The following PRKCZ variants were observed in gnomAD, a reference collection of about 807,000 sequenced individuals.
The protein encoded by PRKCZ is protein kinase C zeta.
A neutral mutation model predicts 79.5 loss-of-function variants in PRKCZ; 33 were observed. That is an observed-to-expected ratio of 0.41 (90% CI 0.31 to 0.55). The LOEUF is 0.55. PRKCZ is among the 20% of genes least tolerant of loss of function. PRKCZ has a pLI of 0.19. For missense variants in PRKCZ, 578 were observed against 813.5 expected (o/e 0.71, Z 3.52); for synonymous variants, 342 against 320.9 (o/e 1.07, Z -0.70).
rs906071552 is a variant in PRKCZ, at chr1:2,173,135, C to T, written c.1285+747C>T. On this transcript the variant is annotated intron_variant, in intron 13 of 17. Coordinates refer to ENST00000378567, the MANE Select transcript of PRKCZ (RefSeq NM_002744.6). This position sits in a 1 kb window ranked among gnomAD's most constrained non-coding sequence, Gnocchi z 5.7. The stretch of plus-strand genomic sequence containing the variant: ...ATCCTGGTGTTTTCAATGAGGCATG[C>T]ATGGTGTGCCTTCAGACATTTTTAC... Among the ~76,000 whole-genome samples the T allele has an allele frequency of 1.3e-5, 2 of 152,208 alleles. No individual in the cohort carries two copies. Among genetic ancestry groups the T allele is most frequent in the East Asian group, 3.9e-4 (2 of 5,190 alleles).
chr1:2,125,274 T>A lies in PRKCZ; in HGVS notation c.335-9988T>A, dbSNP rs1673649905. On this transcript the variant is annotated intron_variant, in intron 4 of 17. Transcript: ENST00000378567. The surrounding 1 kb of genome is among the most constrained non-coding windows in gnomAD (Gnocchi z 4.2). ...CTGCTTGGAAGTTGGCGTACATCTT[T>A]CCACGGAAACTATGAAAATACTGGT... Among the ~76,000 whole-genome samples the A allele has an allele frequency of 6.6e-6, 1 of 152,256 alleles. No individual in the cohort carries two copies. The highest frequency in any genetic ancestry group is 2.1e-4 in the South Asian group (1 of 4,836).
rs1486824400 is a variant in PRKCZ at position 2,135,285 on chromosome 1, A to G, written c.358A>G (p.Arg120Gly). 9 of 1,613,096 alleles carry G rather than the reference A, an allele frequency of 5.6e-6. No individual in the cohort carries two copies. The highest frequency in any genetic ancestry group is 7.6e-6 in the Non-Finnish European group (9 of 1,179,712). ...AGAATCTATCTACCGCCGGGGAGCC[A>G]GAAGATGGAGGAAGCTGTACCGTGC... Reference protein sequence around the residue: ...EDKSIYRRGARRWRKLYRANG... With the variant: ...EDKSIYRRGAGRWRKLYRANG... Residue 120 changes from arginine to glycine, a missense_variant, in exon 5 of 18, where the codon AGA (arginine) becomes GGA (glycine). Around this residue, in one of 4 missense-constraint regions of PRKCZ, gnomAD observed 228 missense variants for 211.6 expected, o/e 1.08. Transcript: ENST00000378567.
At chr1:2,126,494 G>T (rs971410299) in intron 4 of PRKCZ, among the ~76,000 whole-genome samples, 1 of 151,768 alleles carries the variant, frequency 6.6e-6, no homozygotes, top group Non-Finnish European at 1.5e-5. Context: ...CTGCCCCGCC[G>T]ACCCTGCCAT....
intron 3 of PRKCZ, among the ~76,000 whole-genome samples, chr1:2,058,132 G>T (rs1019776031): frequency 6.6e-6 from 1 of 152,216 alleles, no homozygotes; most frequent in Non-Finnish European, 1.5e-5. Flanking sequence ...CTCCCAAAGT[G>T]CTGGGATTAC....
chr1:2,140,587 C>G (rs535959934), intron 5 of PRKCZ, among the ~76,000 whole-genome samples: 102 of 151,758 alleles, frequency 6.7e-4, no homozygotes, highest in Non-Finnish European at 1.4e-3. Context: ...AACCAGGGAG[C>G]TGGAGGTTTC....
chr1:2,131,485 A>T (rs1674942811), intron 4 of PRKCZ, among the ~76,000 whole-genome samples: 1 of 152,200 alleles, frequency 6.6e-6, no homozygotes, highest in Admixed American at 6.5e-5. Flanking sequence ...TTAAAAAGTG[A>T]GATGGGATAT....
chr1:2,174,924 G>A lies in PRKCZ; in HGVS notation c.1485+91G>A. ...GCACGGCTGTTGGCCATTTTTTCAT[G>A]TCGGCTGCTGTGTATCGGGTGTGTG... On this transcript the variant is annotated intron_variant, in intron 15 of 17. Transcript: ENST00000378567. This position sits in a 1 kb window ranked among gnomAD's most constrained non-coding sequence, Gnocchi z 6.2. 2 of 1,321,878 alleles carry A rather than the reference G, an allele frequency of 1.5e-6. No individual in the cohort carries two copies. Among genetic ancestry groups the A allele is most frequent in the Admixed American group, 3.4e-5 (2 of 58,232 alleles). The allele number at this position is 1,321,878 out of a possible 1,614,324, so 81.9% of individuals were successfully genotyped here. A position where few individuals can be genotyped will look rare whatever the true frequency, so the allele number is the denominator to read the frequency against.
Position 2,178,293 on chromosome 1 carries a change from G to A in PRKCZ, c.1575+2980G>A, listed in dbSNP as rs371476197. ...TCATGGAAGTGGACCTGGGCACACC[G>A]CGGCCTTTCGTGCCTGCCCTCCCCT... is the stretch of plus-strand genomic sequence containing the variant. On this transcript the variant is annotated intron_variant, in intron 16 of 17. Transcript: ENST00000378567. The surrounding 1 kb of genome is among the most constrained non-coding windows in gnomAD (Gnocchi z 4.3). Among the ~76,000 whole-genome samples, 12 of 152,202 alleles carry A rather than the reference G, an allele frequency of 7.9e-5. No homozygotes were observed. The highest frequency in any genetic ancestry group is 1.2e-4 in the African/African-American group (5 of 41,452).
At chr1:2,136,183 C>T (rs1676162472) in intron 5 of PRKCZ, among the ~76,000 whole-genome samples, 1 of 152,192 alleles carries the variant, frequency 6.6e-6, no homozygotes, top group Admixed American at 6.5e-5. Flanking sequence ...AGTCACCTGC[C>T]CCTCCTTCTA....
rs925309069 is a variant in PRKCZ at position 2,149,054 on chromosome 1, C to T, written c.687+130C>T. On this transcript the variant is annotated intron_variant, in intron 8 of 17. Coordinates refer to ENST00000378567, the MANE Select transcript of PRKCZ (RefSeq NM_002744.6). The surrounding 1 kb of genome is among the most constrained non-coding windows in gnomAD (Gnocchi z 4.1). ...CCGGGGTGTTGCTAACTAATCTTCACGGGTGTGGATGTCTAGAAGGAAGTC... is the reference window on the plus strand; with the variant it reads ...CCGGGGTGTTGCTAACTAATCTTCATGGGTGTGGATGTCTAGAAGGAAGTC... 3.2e-5 allele frequency: 32 copies of T among 990,024 alleles called. No homozygotes were observed. The highest frequency in any genetic ancestry group is 2.4e-4 in the Admixed American group (11 of 45,726). 61.3% of individuals were successfully genotyped at this position (990,024 alleles called of 1,614,324 possible).
At chr1:2,119,949 G>A (rs139565011) in intron 4 of PRKCZ, among the ~76,000 whole-genome samples, 8 of 152,156 alleles carry the variant, frequency 5.3e-5, no homozygotes, top group East Asian at 3.9e-4. Context: ...ACCACGCCCA[G>A]TTGTTTTTTG....
At chr1:2,076,481 G>A (rs1260912855) in intron 4 of PRKCZ, among the ~76,000 whole-genome samples, 1 of 152,158 alleles carries the variant, frequency 6.6e-6, no homozygotes, top group Non-Finnish European at 1.5e-5. Flanking sequence ...AGTGGCTCAC[G>A]CCTGTATTAC....
At chr1:2,080,925 G>A (rs1463888457) in intron 4 of PRKCZ, among the ~76,000 whole-genome samples, 3 of 152,164 alleles carry the variant, frequency 2.0e-5, no homozygotes, top group Non-Finnish European at 4.4e-5. Flanking sequence ...TTCTCATAAG[G>A]ACTGGGGCCT....
chr1:2,088,486 C>T (rs925314186), intron 4 of PRKCZ, among the ~76,000 whole-genome samples: 2 of 152,204 alleles, frequency 1.3e-5, no homozygotes, highest in Non-Finnish European at 2.9e-5. Flanking sequence ...TGAACGTCCT[C>T]GAGTCCTTGA....
At chr1:2,087,973 G>T (rs1383672649) in intron 4 of PRKCZ, among the ~76,000 whole-genome samples, 1 of 152,236 alleles carries the variant, frequency 6.6e-6, no homozygotes, top group Non-Finnish European at 1.5e-5. Context: ...GGCTGCTGGT[G>T]CCTGGCGCGT....
chr1:2,133,452 C>T (rs1176140730), intron 4 of PRKCZ, among the ~76,000 whole-genome samples: 1 of 150,670 alleles, frequency 6.6e-6, no homozygotes, highest in East Asian at 2.0e-4. Context: ...GCGTCCTTCC[C>T]TCAGCTCTAC....
In PRKCZ at chr1:2,183,099, C is replaced by CG. The variant is rs1242686465; in HGVS notation, c.1576-1481dup. On this transcript the variant is annotated intron_variant, in intron 16 of 17. Coordinates refer to ENST00000378567, the MANE Select transcript of PRKCZ (RefSeq NM_002744.6). The stretch of plus-strand genomic sequence containing the variant: ...AAACAAAATTAGCCAGGCGTGGTGG[C>CG]GGGCGCCTGTACTCCCAGCTACTCA... 2.6e-5 allele frequency among the ~76,000 whole-genome samples: 4 copies of CG among 152,144 alleles called. No individual in the cohort carries two copies. In the East Asian group the frequency reaches 7.7e-4, roughly 29 times the overall value.
At chr1:2,160,381 C>T (rs1052578835) in intron 10 of PRKCZ, among the ~76,000 whole-genome samples, 12 of 151,988 alleles carry the variant, frequency 7.9e-5, no homozygotes, top group Non-Finnish European at 1.5e-4. Flanking sequence ...GCGTGGCACC[C>T]GGGGAGGGTC....
chr1:2,142,596 G>A (rs1222407228), intron 5 of PRKCZ: 2 of 242,620 alleles, frequency 8.2e-6, no homozygotes, highest in East Asian at 1.4e-4. Flanking sequence ...TCCCTCCTTC[G>A]AATAGAGCCC....
Sources: allele counts gnomAD v4.1 joint callset (sites outside exome capture counted in the v4.1 genomes callset), GRCh38; gene constraint gnomAD v4.1.1; regional missense constraint gnomAD v4.1.1; non-coding constraint Gnocchi (gnomAD v3.1); transcripts MANE v1.5; gene names NCBI Gene and HGNC (gene_info 2026-07-23, HGNC 2026-07-21).